TIPARP: variants seen among roughly 807,000 people sequenced by gnomAD.
TIPARP encodes TCDD inducible poly(ADP-ribose) polymerase, also known as protein mono-ADP-ribosyltransferase TIPARP.
In TIPARP, 12 loss-of-function variants were observed where a neutral mutation model predicts 56.5. That is an observed-to-expected ratio of 0.21 (90% CI 0.14 to 0.34). The LOEUF (loss-of-function observed/expected upper bound fraction) is 0.34. TIPARP is among the 10% of genes least tolerant of loss of function. TIPARP has a pLI of 1.00. For missense variants in TIPARP, 604 were observed against 781.6 expected, an observed-to-expected ratio of 0.77 and a Z score of 2.71; for synonymous variants, 296 against 265.7, an observed-to-expected ratio of 1.11 and a Z score of -1.11.
In TIPARP at chr3:156,702,216, T is replaced by G. The variant is rs1357480247; in HGVS notation, c.1248-1208T>G. On this transcript the variant is annotated intron_variant, in intron 4 of 5. Coordinates refer to ENST00000295924, the MANE Select transcript of TIPARP (RefSeq NM_015508.5). ...TATGGAACTGAAAAGAGTATGAAAT[T>G]AGAAACTATCTAGATGGGCCTGGCC... Among the ~76,000 whole-genome samples, 5 of 152,106 alleles carry G rather than the reference T, an allele frequency of 3.3e-5. No homozygotes were observed. The East Asian group carries it at 9.6e-4, about 29-fold the overall frequency.
chr3:156,696,843 A>C (rs1559975715), intron 4 of TIPARP, among the ~76,000 whole-genome samples: 2 of 152,234 alleles, frequency 1.3e-5, no homozygotes, highest in Non-Finnish European at 2.9e-5. Context: ...GAACTTTAGA[A>C]GTCTAGCGTA....
intron 1 of TIPARP, chr3:156,675,640 C>G (rs1354982465): frequency 6.6e-6 from 1 of 152,238 alleles, no homozygotes; most frequent in Non-Finnish European, 1.5e-5. Flanking sequence ...AGCAAACCGC[C>G]GCGGCCAACA....
rs374475004 is a variant in TIPARP, at chr3:156,705,155, T to C, written c.*24T>C. 2.6e-6 allele frequency: 4 copies of C among 1,539,492 alleles called. No homozygotes were observed. Among genetic ancestry groups the C allele is most frequent in the Non-Finnish European group, 2.6e-6 (3 of 1,142,054 alleles). Reference sequence around the variant, plus strand: ...GAAAAATCTTGGTACTGCTAAATTATTTGATATGAACTCAATCCAGCATTT... The same window carrying C: ...GAAAAATCTTGGTACTGCTAAATTACTTGATATGAACTCAATCCAGCATTT... On this transcript the variant is annotated 3_prime_UTR_variant, in exon 6 of 6. Coordinates refer to ENST00000295924, the MANE Select transcript of TIPARP (RefSeq NM_015508.5).
intron 2 of TIPARP, among the ~76,000 whole-genome samples, chr3:156,690,018 T>A (rs1189398009): frequency 6.6e-6 from 1 of 152,202 alleles, no homozygotes; most frequent in African/African-American, 2.4e-5. Flanking sequence ...TTCATTTTCT[T>A]ATGGCCAAAG....
In TIPARP at chr3:156,694,086, A is replaced by G. The variant is rs759151539; in HGVS notation, c.984A>G (p.Leu328=). ...ATGAAACAACTGAATTTGACCAACT[A>G]CGAAGGCTGTCCACACCACCCTCTA... ...NVYETTEFDQ[L]RRLSTPPSSN... is the part of the protein sequence containing the mutation. Residue 328 remains leucine (L), a synonymous_variant, in exon 3 of 6, where the codon CTA becomes CTG. Coordinates refer to ENST00000295924, the MANE Select transcript of TIPARP (RefSeq NM_015508.5). 1.9e-6 allele frequency: 3 copies of G among 1,613,468 alleles called. No individual in the cohort carries two copies. Among genetic ancestry groups the G allele is most frequent in the African/African-American group, 1.3e-5 (1 of 74,838 alleles).
chr3:156,695,842 T>TTTGTTTTGTTTTCTCCTCCA, intron 3 of TIPARP, 23 bp from the exon 4 acceptor site: 1 of 1,396,936 alleles, frequency 7.2e-7, no homozygotes. Context: ...TTTTTTTTTT[T>TTTGTTTTGTTTTCTCCTCCA]TGTTCTGTTT....
chr3:156,692,183 A>G (rs1054926841), intron 2 of TIPARP, among the ~76,000 whole-genome samples: 11 of 152,162 alleles, frequency 7.2e-5, no homozygotes, highest in African/African-American at 2.7e-4. Flanking sequence ...AAAGGGGGAA[A>G]AATATGTTTA....
At chr3:156,691,081 C>G (rs1722561941) in intron 2 of TIPARP, among the ~76,000 whole-genome samples, 1 of 152,150 alleles carries the variant, frequency 6.6e-6, no homozygotes, top group Admixed American at 6.6e-5. Context: ...ATTTCCTCAT[C>G]TCTCAGATAC....
intron 4 of TIPARP, among the ~76,000 whole-genome samples, chr3:156,698,044 G>A (rs1722760583): frequency 6.6e-6 from 1 of 152,212 alleles, no homozygotes; most frequent in Admixed American, 6.5e-5. Flanking sequence ...TATAGAGAAA[G>A]TTTTAGTGAT....
At chr3:156,681,077 C>G (rs1722290762) in intron 2 of TIPARP, 1 of 451,104 alleles carries the variant, frequency 2.2e-6, no homozygotes, top group Non-Finnish European at 4.5e-6. Context: ...GTGGTCATTG[C>G]AACCTGGTTT....
chr3:156,690,427 G>A (rs1722540056), intron 2 of TIPARP, among the ~76,000 whole-genome samples: 1 of 152,092 alleles, frequency 6.6e-6, no homozygotes, highest in African/African-American at 2.4e-5. Context: ...GGAAAATGTT[G>A]GCTTAATTGG....
In TIPARP at chr3:156,704,805, C is replaced by T; in HGVS notation, c.1648C>T (p.Arg550Ter). 6.2e-7 allele frequency: 1 copy of T among 1,614,176 alleles called. No homozygotes were observed. Among genetic ancestry groups the T allele is most frequent in the Non-Finnish European group, 8.5e-7 (1 of 1,180,030 alleles). Reference protein sequence around the residue: ...DGICKHNFDPRVCGKHATMFG... With the variant: ...DGICKHNFDP The stretch of plus-strand genomic sequence containing the variant: ...AATCTGCAAACACAACTTTGACCCT[C>T]GAGTCTGTGGAAAGCATGCTACAAT... The change falls in exon 6 of 6, where the codon CGA (arginine) becomes TGA (stop). Residue 550 changes from arginine (R) to a stop codon, truncating the protein, a stop_gained. Transcript: ENST00000295924. LOFTEE classifies it high-confidence loss of function.
chr3:156,697,564 A>G (rs536615745), intron 4 of TIPARP, among the ~76,000 whole-genome samples: 2 of 152,042 alleles, frequency 1.3e-5, no homozygotes, highest in East Asian at 3.9e-4. Flanking sequence ...GCTTTATTGT[A>G]CTTCACAGAT....
intron 4 of TIPARP, among the ~76,000 whole-genome samples, chr3:156,700,577 A>G (rs887478038): frequency 1.3e-5 from 2 of 152,194 alleles, no homozygotes; most frequent in African/African-American, 4.8e-5. Flanking sequence ...CCTGCTTTTT[A>G]ATGGGGCTGA....
At chr3:156,683,934 G>A (rs1722365307) in intron 2 of TIPARP, among the ~76,000 whole-genome samples, 1 of 152,094 alleles carries the variant, frequency 6.6e-6, no homozygotes, top group South Asian at 2.1e-4. Context: ...TTTGTCTGAT[G>A]GTGATGATTC....
In TIPARP at chr3:156,705,592, T is replaced by C. The variant is rs1722960070; in HGVS notation, c.*461T>C. Reference sequence around the variant, plus strand: ...CCATGCGTATTCCCTGTCCAAAGCATCACTGCTTTGGTATAGTATAAGTTC... The same window carrying C: ...CCATGCGTATTCCCTGTCCAAAGCACCACTGCTTTGGTATAGTATAAGTTC... On this transcript the variant is annotated 3_prime_UTR_variant, in exon 6 of 6. Transcript: ENST00000295924. 1.3e-5 allele frequency: 2 copies of C among 155,158 alleles called. 1 individual carries two copies. Among genetic ancestry groups the C allele is most frequent in the African/African-American group, 4.8e-5 (2 of 41,468 alleles). The allele number at this position is 155,158 out of a possible 1,614,324, so 9.6% of individuals were successfully genotyped here. A position where few individuals can be genotyped will look rare whatever the true frequency, so the allele number is the denominator to read the frequency against.
intron 4 of TIPARP, among the ~76,000 whole-genome samples, chr3:156,697,736 G>T (rs974287909): frequency 2.0e-5 from 3 of 152,138 alleles, no homozygotes; most frequent in Non-Finnish European, 4.4e-5. Flanking sequence ...ATCTGTTATG[G>T]TGATCTGACC....
chr3:156,688,450 G>C (rs538035421), intron 2 of TIPARP, among the ~76,000 whole-genome samples: 1 of 147,402 alleles, frequency 6.8e-6, no homozygotes, highest in South Asian at 2.2e-4. Context: ...TGTTGCTTTG[G>C]ATGTAAGCAT....
chr3:156,702,023 GGTGGTGGT>G, intron 4 of TIPARP, among the ~76,000 whole-genome samples: 1 of 3,480 alleles, frequency 2.9e-4, no homozygotes, highest in African/African-American at 4.2e-4. Context: ...ATAATGCGGT[GGTGGTGGT>G]GGTGGTGGTG....
Sources: allele counts gnomAD v4.1 joint callset (sites outside exome capture counted in the v4.1 genomes callset), GRCh38; gene constraint gnomAD v4.1.1; transcripts MANE v1.5; gene names NCBI Gene and HGNC (gene_info 2026-07-23, HGNC 2026-07-21).